Variants in PRKG1 observed in about 807,000 individuals in gnomAD.
PRKG1 encodes the protein cGMP-dependent protein kinase 1.
PRKG1 carries 35 observed loss-of-function variants against 88.1 expected under a neutral mutation model. The ratio of observed to expected loss-of-function variants is 0.40; its 90% CI spans 0.30 to 0.53. The LOEUF is 0.53. Among genes scored for constraint, PRKG1 ranks in the 20% least tolerant of loss-of-function variants. The pLI is 0.59. For synonymous variants in PRKG1, 303 were observed against 292.5 expected (o/e 1.04, Z -0.37); for missense variants, 540 against 839.8 (o/e 0.64, Z 4.41).
chr10:51,678,339 T>C (rs1265367317), intron 3 of PRKG1, among the ~76,000 whole-genome samples: 1 of 152,174 alleles, frequency 6.6e-6, no homozygotes, highest in Non-Finnish European at 1.5e-5. Flanking sequence ...GCAAATAGAA[T>C]GCATTCTGGG....
intron 1 of PRKG1, among the ~76,000 whole-genome samples, chr10:51,094,666 C>G (rs146173029): frequency 1.3e-5 from 2 of 152,066 alleles, no homozygotes; most frequent in East Asian, 3.9e-4. Context: ...ATTTCTTCAG[C>G]AAAACATATG....
chr10:52,048,462 C>T (rs1227918037), intron 5 of PRKG1, among the ~76,000 whole-genome samples: 3 of 152,076 alleles, frequency 2.0e-5, no homozygotes, highest in Non-Finnish European at 4.4e-5. Flanking sequence ...ATATCAATAA[C>T]TATGACTGTG....
chr10:52,024,885 G>A (rs1346719594), intron 5 of PRKG1, among the ~76,000 whole-genome samples: 2 of 152,154 alleles, frequency 1.3e-5, no homozygotes, highest in East Asian at 3.9e-4. Context: ...TCTAGTTCTA[G>A]ATCCTTGAGG....
intron 1 of PRKG1, among the ~76,000 whole-genome samples, chr10:51,011,768 A>C (rs1449839282): frequency 1.3e-5 from 2 of 152,206 alleles, no homozygotes; most frequent in Admixed American, 1.3e-4. Context: ...TTACTTTAAC[A>C]GGGACAGTTA....
chr10:52,053,647 A>G (rs2133253042), intron 5 of PRKG1, among the ~76,000 whole-genome samples: 1 of 152,276 alleles, frequency 6.6e-6, no homozygotes, highest in African/African-American at 2.4e-5. Context: ...ACTTTTGTTC[A>G]TTGCAGAAGT....
intron 2 of PRKG1, among the ~76,000 whole-genome samples, chr10:51,180,431 C>A (rs1837313922): frequency 6.6e-6 from 1 of 152,194 alleles, no homozygotes; most frequent in Non-Finnish European, 1.5e-5. Context: ...CATATACCAG[C>A]ATCCCAAAGA....
intron 3 of PRKG1, among the ~76,000 whole-genome samples, chr10:51,543,483 G>A (rs1194862990): frequency 6.6e-6 from 1 of 152,216 alleles, no homozygotes; most frequent in Non-Finnish European, 1.5e-5. Context: ...GTAACCCTAT[G>A]AGTAGAGAGA....
At chr10:51,191,776 A>G (rs574355244) in intron 2 of PRKG1, among the ~76,000 whole-genome samples, 2 of 151,986 alleles carry the variant, frequency 1.3e-5, no homozygotes, top group East Asian at 1.9e-4. Flanking sequence ...GAGTAAGACT[A>G]CAGTGCCTTA....
intron 5 of PRKG1, among the ~76,000 whole-genome samples, chr10:51,992,461 G>C (rs112642943): frequency 0.011 from 1,735 of 152,142 alleles, 34 homozygotes; most frequent in African/African-American, 0.039. Flanking sequence ...CTTTAGAAAG[G>C]CACCGGTAAG....
chr10:51,903,182 G>T (rs1842016945), intron 4 of PRKG1, among the ~76,000 whole-genome samples: 1 of 152,034 alleles, frequency 6.6e-6, no homozygotes, highest in Non-Finnish European at 1.5e-5. Context: ...AAATGTGGGA[G>T]GGTTGTCGTA....
chr10:51,746,302 T>TA (rs35746229), intron 3 of PRKG1, among the ~76,000 whole-genome samples: 2,341 of 142,394 alleles, frequency 0.016, 34 homozygotes, highest in East Asian at 0.051. Flanking sequence ...AGTTTACATT[T>TA]AAAAAAAAAA....
intron 5 of PRKG1, among the ~76,000 whole-genome samples, chr10:51,991,342 C>T (rs1307988303): frequency 6.6e-6 from 1 of 151,924 alleles, no homozygotes; most frequent in Non-Finnish European, 1.5e-5. Flanking sequence ...TGCCTAATTG[C>T]TATAAAAATG....
intron 9 of PRKG1, among the ~76,000 whole-genome samples, chr10:52,248,310 A>C (rs1174837740): frequency 6.6e-6 from 1 of 152,222 alleles, no homozygotes; most frequent in Non-Finnish European, 1.5e-5. Context: ...ACATAATCCA[A>C]CAAGAAAAAT....
At chr10:52,205,490 C>T (rs1839795305) in intron 9 of PRKG1, among the ~76,000 whole-genome samples, 1 of 152,054 alleles carries the variant, frequency 6.6e-6, no homozygotes, top group African/African-American at 2.4e-5. Context: ...GGGGTGAGTT[C>T]CCCCAGTAAT....
intron 4 of PRKG1, among the ~76,000 whole-genome samples, chr10:51,842,431 CTGAATGG>C (rs1840301522): frequency 6.6e-6 from 1 of 152,218 alleles, no homozygotes; most frequent in Non-Finnish European, 1.5e-5. Flanking sequence ...TACACGATGA[CTGAATGG>C]TGGCAAAGAA....
chr10:51,227,615 G>C (rs1213954386), intron 2 of PRKG1, among the ~76,000 whole-genome samples: 2 of 152,254 alleles, frequency 1.3e-5, no homozygotes, highest in East Asian at 3.9e-4. Flanking sequence ...CAAATGCCTG[G>C]TGTACAGCTG....
intron 2 of PRKG1, among the ~76,000 whole-genome samples, chr10:51,444,546 T>C (rs184534653): frequency 6.6e-6 from 1 of 152,002 alleles, no homozygotes; most frequent in African/African-American, 2.4e-5. Context: ...TCTGCCTTTA[T>C]CTTAGGATGG....
At chr10:52,004,733 C>T (rs142751491) in intron 5 of PRKG1, among the ~76,000 whole-genome samples, 1 of 152,168 alleles carries the variant, frequency 6.6e-6, no homozygotes, top group African/African-American at 2.4e-5. Flanking sequence ...CTATTGTTAC[C>T]ATATTATTCA....
At chr10:52,279,464 A>C (rs569231237) in intron 12 of PRKG1, among the ~76,000 whole-genome samples, 5 of 152,280 alleles carry the variant, frequency 3.3e-5, no homozygotes, top group African/African-American at 9.6e-5. Context: ...TTTTCTTAGG[A>C]AAAGCTGGTT....
Sources: gnomAD v4.1 joint callset for allele counts (sites outside exome capture counted in the v4.1 genomes callset) on GRCh38, gnomAD v4.1.1 for gene constraint, MANE v1.5 for transcripts, NCBI Gene and HGNC (gene_info 2026-07-23, HGNC 2026-07-21) for gene names.